PAK5: variants seen among roughly 807,000 people sequenced by gnomAD.
The protein encoded by PAK5 is serine/threonine-protein kinase PAK 5.
Under a neutral mutation model 65.9 loss-of-function variants are expected in PAK5, and 16 were observed. The ratio of observed to expected loss-of-function variants is 0.24; its 90% confidence interval spans 0.16 to 0.37. PAK5 has a LOEUF of 0.37. Ranked by LOEUF, PAK5 falls within the 10% of genes least tolerant of loss-of-function variation. The pLI, the probability that PAK5 is intolerant of heterozygous loss-of-function variation, is 1.00. For missense variants in PAK5, 785 were observed against 903.9 expected (o/e 0.87, Z 1.69); for synonymous variants, 371 against 354.9 (o/e 1.05, Z -0.51).
chr20:9,654,547 G>T (rs1164724136), intron 2 of PAK5, among the ~76,000 whole-genome samples: 1 of 151,846 alleles, frequency 6.6e-6, no homozygotes, highest in African/African-American at 2.4e-5. Context: ...AACTAAACTT[G>T]CCCCTCCCAA....
chr20:9,575,947 C>T (rs2045878921), intron 4 of PAK5, among the ~76,000 whole-genome samples: 2 of 152,172 alleles, frequency 1.3e-5, no homozygotes, highest in Non-Finnish European at 2.9e-5. Flanking sequence ...GCTTCCTCAA[C>T]TGTAGAGCAG....
intron 3 of PAK5, among the ~76,000 whole-genome samples, chr20:9,600,182 T>C (rs2046336861): frequency 6.6e-6 from 1 of 152,216 alleles, no homozygotes; most frequent in East Asian, 1.9e-4. Flanking sequence ...TGTTTCTGAG[T>C]GCTATATTCT....
chr20:9,785,010 G>A (rs149068122), intron 1 of PAK5, among the ~76,000 whole-genome samples: 76 of 151,694 alleles, frequency 5.0e-4, no homozygotes, highest in African/African-American at 1.8e-3. Context: ...TCAGTAAGCC[G>A]TCATATTATA....
At chr20:9,703,657 G>C (rs552429232) in intron 2 of PAK5, among the ~76,000 whole-genome samples, 1 of 152,268 alleles carries the variant, frequency 6.6e-6, no homozygotes, top group Non-Finnish European at 1.5e-5. Flanking sequence ...GAGACCCAAT[G>C]TCTTGTTTCT....
intron 3 of PAK5, among the ~76,000 whole-genome samples, chr20:9,586,195 C>T (rs1414019426): frequency 6.6e-6 from 1 of 152,128 alleles, no homozygotes; most frequent in Non-Finnish European, 1.5e-5. Flanking sequence ...TAACAAATGT[C>T]TGTGATGGGG....
At position 9,550,903 on chromosome 20, in the gene PAK5, T is replaced by C. The variant is rs113680381; in HGVS notation, c.1744-6409A>G. 8.3e-3 allele frequency among the ~76,000 whole-genome samples: 1,269 copies of C among 152,228 alleles called. 8 individuals are homozygous for C. The highest frequency in any genetic ancestry group is 0.029 in the African/African-American group (1,199 of 41,532). Reference sequence around the variant, plus strand: ...AGGTGAATGTATCAGCATTTTGCTATTGGCAGTTTTAAATTTCAGTATATC... The same window carrying C: ...AGGTGAATGTATCAGCATTTTGCTACTGGCAGTTTTAAATTTCAGTATATC... On this transcript the variant is annotated intron_variant, in intron 7 of 9. Transcript: ENST00000353224.
intron 1 of PAK5, among the ~76,000 whole-genome samples, chr20:9,813,031 C>G (rs1337405631): frequency 6.6e-6 from 1 of 151,980 alleles, no homozygotes; most frequent in African/African-American, 2.4e-5. Context: ...TATAACCATA[C>G]AATGGAATGC....
In PAK5 at chr20:9,809,052, T is replaced by C. The variant is rs140572155; in HGVS notation, c.-162+29710A>G. Among the ~76,000 whole-genome samples the C allele has an allele frequency of 6.6e-3, 1,000 of 152,274 alleles. 9 individuals are homozygous for C. Among genetic ancestry groups the C allele is most frequent in the Middle Eastern group, 0.037 (11 of 294 alleles). On this transcript the variant is annotated intron_variant, in intron 1 of 9. Transcript: ENST00000353224. ...TCTTTATATTATTCTATTTTTTATG[T>C]GATGAAATTGCTTATAATTTTGTTT...
intron 2 of PAK5, among the ~76,000 whole-genome samples, chr20:9,648,472 C>CTT (rs34935319): frequency 1.1e-3 from 153 of 143,998 alleles, no homozygotes; most frequent in East Asian, 3.9e-3. Context: ...ACATAAACCT[C>CTT]TTTTTTTTTT....
intron 3 of PAK5, among the ~76,000 whole-genome samples, chr20:9,614,131 T>C (rs1011757180): frequency 6.6e-6 from 1 of 152,022 alleles, no homozygotes; most frequent in Non-Finnish European, 1.5e-5. Flanking sequence ...AGATGGGCAA[T>C]GTAAATAGAG....
At chr20:9,605,230 G>A (rs1600128693) in intron 3 of PAK5, among the ~76,000 whole-genome samples, 1 of 152,160 alleles carries the variant, frequency 6.6e-6, no homozygotes, top group Non-Finnish European at 1.5e-5. Flanking sequence ...TTACCTTTGG[G>A]GGCATTCATT....
intron 2 of PAK5, among the ~76,000 whole-genome samples, chr20:9,675,467 G>T (rs867538707): frequency 6.6e-6 from 1 of 152,014 alleles, no homozygotes; most frequent in Non-Finnish European, 1.5e-5. Flanking sequence ...TAAATGAATG[G>T]ATAAAACTTA....
intron 1 of PAK5, among the ~76,000 whole-genome samples, chr20:9,810,187 T>A (rs1350681824): frequency 1.3e-5 from 2 of 152,048 alleles, no homozygotes; most frequent in South Asian, 2.1e-4. Flanking sequence ...CAGAATCACA[T>A]GGAATGGGGT....
At chr20:9,630,128 G>A (rs1352320475) in intron 3 of PAK5, among the ~76,000 whole-genome samples, 2 of 152,072 alleles carry the variant, frequency 1.3e-5, no homozygotes, top group African/African-American at 2.4e-5. Flanking sequence ...TGAGGAAAGA[G>A]GAAGATTGGG....
chr20:9,724,473 T>C (rs2048253370), intron 1 of PAK5, among the ~76,000 whole-genome samples: 1 of 152,180 alleles, frequency 6.6e-6, no homozygotes, highest in South Asian at 2.1e-4. Context: ...CATTATGGGC[T>C]TGGGAAAAGC....
At chr20:9,644,016 T>G (rs565117047) in intron 3 of PAK5, 109 bp downstream of exon 3, 13 of 769,224 alleles carry the variant, frequency 1.7e-5, no homozygotes, top group Non-Finnish European at 2.7e-5. Context: ...CTGTGAATGT[T>G]AAAAAATATG....
At chr20:9,702,664 T>G (rs1370469290) in intron 2 of PAK5, among the ~76,000 whole-genome samples, 1 of 152,194 alleles carries the variant, frequency 6.6e-6, no homozygotes, top group Non-Finnish European at 1.5e-5. Context: ...TCTCCCCTGT[T>G]ATCCAAACTG....
At chr20:9,561,253 G>C (rs562549087) in intron 6 of PAK5, among the ~76,000 whole-genome samples, 209 of 152,228 alleles carry the variant, frequency 1.4e-3, no homozygotes, top group African/African-American at 4.8e-3. Flanking sequence ...GGTTTCCATG[G>C]ATACAAAATA....
intron 3 of PAK5, among the ~76,000 whole-genome samples, chr20:9,641,477 C>T (rs2047059776): frequency 7.4e-6 from 1 of 135,236 alleles, no homozygotes; most frequent in Non-Finnish European, 1.6e-5. Flanking sequence ...CTGAGCTAGA[C>T]AGAAAGACTC....
Sources: gnomAD v4.1 joint callset for allele counts (sites outside exome capture counted in the v4.1 genomes callset) on GRCh38, gnomAD v4.1.1 for gene constraint, MANE v1.5 for transcripts, NCBI Gene and HGNC (gene_info 2026-07-23, HGNC 2026-07-21) for gene names.